Variants in ATP2B2 observed in about 807,000 individuals in gnomAD.
ATP2B2 encodes plasma membrane calcium-transporting ATPase 2.
In ATP2B2, 15 loss-of-function variants were observed where a neutral mutation model predicts 120.0. The observed-to-expected ratio is 0.12, with a 90% CI of 0.08 to 0.19. ATP2B2 has a LOEUF of 0.19. Ranked by LOEUF, ATP2B2 falls within the 10% of genes least tolerant of loss-of-function variation. The pLI is 1.00. For missense variants in ATP2B2, 1,045 were observed against 1,719.8 expected (o/e 0.61, Z 6.94); for synonymous variants, 694 against 700.3 (o/e 0.99, Z 0.14).
intron 5 of ATP2B2, among the ~76,000 whole-genome samples, chr3:10,399,932 G>T (rs1036069256): frequency 6.6e-6 from 1 of 152,188 alleles, no homozygotes; most frequent in East Asian, 1.9e-4. Context: ...CTGTTGGTAG[G>T]CCTGAATCCC....
chr3:10,676,831 C>T (rs994704913), intron 1 of ATP2B2, among the ~76,000 whole-genome samples: 2 of 152,116 alleles, frequency 1.3e-5, no homozygotes, highest in Non-Finnish European at 2.9e-5. Context: ...ATAAATTATG[C>T]GGAAGGTGAT....
intron 2 of ATP2B2, among the ~76,000 whole-genome samples, chr3:10,440,522 C>A (rs984158486): frequency 6.6e-6 from 1 of 152,184 alleles, no homozygotes; most frequent in Non-Finnish European, 1.5e-5. Flanking sequence ...CCAGGCACAG[C>A]GAATTCCTCA....
chr3:10,634,068 G>A (rs541324809), intron 1 of ATP2B2, among the ~76,000 whole-genome samples: 6 of 152,162 alleles, frequency 3.9e-5, no homozygotes, highest in African/African-American at 7.2e-5. Context: ...AACTTTGGAC[G>A]CTTCCCTGTG....
chr3:10,449,188 C>T (rs1238905051), intron 2 of ATP2B2, among the ~76,000 whole-genome samples, 157 bp downstream of exon 2: 1 of 152,248 alleles, frequency 6.6e-6, no homozygotes, highest in African/African-American at 2.4e-5. Context: ...TCCAGAGGGG[C>T]TGATACTCAG....
chr3:10,350,372 AG>A, intron 15 of ATP2B2, 25 bp downstream of exon 15: 1 of 1,614,114 alleles, frequency 6.2e-7, no homozygotes. Context: ...CGTTCCCCTG[AG>A]GATGCTTTAC....
intron 1 of ATP2B2, among the ~76,000 whole-genome samples, chr3:10,648,903 T>A (rs936350465): frequency 3.3e-5 from 5 of 152,188 alleles, no homozygotes; most frequent in African/African-American, 1.2e-4. Context: ...CATTGAGTCT[T>A]CTTGCATCCT....
At chr3:10,623,107 G>A (rs977060842) in intron 1 of ATP2B2, among the ~76,000 whole-genome samples, 3 of 138,512 alleles carry the variant, frequency 2.2e-5, no homozygotes, top group Non-Finnish European at 4.5e-5. Flanking sequence ...CTGTTGCCCT[G>A]GCTGGAGTGC....
intron 1 of ATP2B2, among the ~76,000 whole-genome samples, chr3:10,673,553 A>C (rs1336230295): frequency 6.6e-6 from 1 of 152,004 alleles, no homozygotes; most frequent in East Asian, 1.9e-4. Flanking sequence ...TAATCCCAGC[A>C]CTTTGGGAGG....
intron 2 of ATP2B2, among the ~76,000 whole-genome samples, chr3:10,432,169 C>T (rs1027707127): frequency 1.3e-5 from 2 of 152,262 alleles, no homozygotes; most frequent in African/African-American, 4.8e-5. Context: ...CCTGTCAGTG[C>T]ATGGCCTCGG....
At chr3:10,388,868 C>T (rs1399466146) in intron 5 of ATP2B2, among the ~76,000 whole-genome samples, 2 of 152,206 alleles carry the variant, frequency 1.3e-5, no homozygotes, top group Non-Finnish European at 2.9e-5. Flanking sequence ...AGTGGTTATG[C>T]AACTGCTTGC....
intron 14 of ATP2B2, among the ~76,000 whole-genome samples, chr3:10,356,040 A>T (rs1448667182): frequency 8.5e-5 from 2 of 23,554 alleles, no homozygotes; most frequent in Non-Finnish European, 1.5e-4. Context: ...GCGCCACTGC[A>T]CTCCAGCCTG....
At chr3:10,403,469 A>C (rs1343059096) in intron 3 of ATP2B2, among the ~76,000 whole-genome samples, 8 of 152,200 alleles carry the variant, frequency 5.3e-5, no homozygotes, top group Admixed American at 5.2e-4. Flanking sequence ...GGCAGATCCT[A>C]CTCATGCAGT....
At chr3:10,581,593 A>G (rs1256436441) in intron 2 of ATP2B2, among the ~76,000 whole-genome samples, 1 of 152,236 alleles carries the variant, frequency 6.6e-6, no homozygotes, top group Middle Eastern at 3.2e-3. Context: ...GAGAAGGGAA[A>G]TGCTGCAGAA....
intron 1 of ATP2B2, among the ~76,000 whole-genome samples, chr3:10,651,334 TA>T (rs1196408438): frequency 1.3e-5 from 2 of 152,194 alleles, no homozygotes; most frequent in East Asian, 3.9e-4. Context: ...CAGTGAGAGG[TA>T]ATTGAATCAT....
At chr3:10,513,828 TC>T (rs2066824014) in intron 3 of ATP2B2, among the ~76,000 whole-genome samples, 1 of 152,040 alleles carries the variant, frequency 6.6e-6, no homozygotes, top group Non-Finnish European at 1.5e-5. Context: ...AATCCAGTGC[TC>T]CCTCCAGGGG....
At chr3:10,530,422 C>T (rs984355556) in intron 3 of ATP2B2, among the ~76,000 whole-genome samples, 7 of 152,232 alleles carry the variant, frequency 4.6e-5, no homozygotes, top group East Asian at 1.9e-4. Flanking sequence ...AGACGACCTG[C>T]GGCCGGAGTG....
intron 1 of ATP2B2, among the ~76,000 whole-genome samples, chr3:10,640,009 T>C (rs148002559): frequency 1.3e-5 from 2 of 152,238 alleles, no homozygotes; most frequent in Non-Finnish European, 2.9e-5. Context: ...ATTGGTGTTT[T>C]TGCACTGAAA....
intron 1 of ATP2B2, among the ~76,000 whole-genome samples, chr3:10,462,693 G>A (rs2064545014): frequency 6.6e-6 from 1 of 152,182 alleles, no homozygotes; most frequent in South Asian, 2.1e-4. Context: ...AGTAGAACTG[G>A]GCTTTTCTGA....
At chr3:10,583,326 A>G (rs1296000745) in intron 2 of ATP2B2, among the ~76,000 whole-genome samples, 1 of 152,170 alleles carries the variant, frequency 6.6e-6, no homozygotes, top group Non-Finnish European at 1.5e-5. Context: ...CTGCCCATGA[A>G]CACATTATTT....
Sources: allele counts gnomAD v4.1 joint callset (sites outside exome capture counted in the v4.1 genomes callset), GRCh38; gene constraint gnomAD v4.1.1; transcripts MANE v1.5; gene names NCBI Gene and HGNC (gene_info 2026-07-23, HGNC 2026-07-21).